The following TMPRSS7 variants were observed in gnomAD, a reference collection of about 807,000 sequenced individuals.
TMPRSS7 encodes transmembrane serine protease 7.
TMPRSS7 carries 81 observed loss-of-function variants against 95.6 expected under a neutral mutation model. The observed-to-expected ratio is 0.85, with a 90% CI of 0.71 to 1.02. TMPRSS7 has a LOEUF of 1.02. Ranked by LOEUF, TMPRSS7 falls within the 50% of genes least tolerant of loss-of-function variation. TMPRSS7 has a pLI of 0.00. For missense variants in TMPRSS7, 945 were observed against 955.2 expected (o/e 0.99, Z 0.14); for synonymous variants, 364 against 337.8 (o/e 1.08, Z -0.85).
At chr3:112,042,049 T>C (rs1423044769) in exon 3 of TMPRSS7, 3 of 1,550,976 alleles carry the variant, frequency 1.9e-6, no homozygotes, top group African/African-American at 1.4e-5. Flanking sequence ...GTGCAGCAAG[T>C]GGTGAGGCGA....
intron 12 of TMPRSS7, 100 bp from the exon 13 acceptor site, chr3:112,066,292 A>G (rs1308289036): frequency 1.1e-6 from 1 of 949,278 alleles, no homozygotes; most frequent in African/African-American, 1.6e-5. Flanking sequence ...TTTATAGGTC[A>G]TCCTAATGAT....
chr3:112,043,584 A>G (rs1373579060), intron 3 of TMPRSS7, among the ~76,000 whole-genome samples: 2 of 152,204 alleles, frequency 1.3e-5, no homozygotes, highest in Non-Finnish European at 2.9e-5. Context: ...TTTTGTTTTT[A>G]AATCTTGGGC....
intron 9 of TMPRSS7, among the ~76,000 whole-genome samples, chr3:112,051,324 G>A (rs1244377036): frequency 6.6e-6 from 1 of 151,996 alleles, no homozygotes; most frequent in East Asian, 1.9e-4. Context: ...AAGTAATCTA[G>A]AGATGATTTA....
chr3:112,064,510 C>T (rs2073551096), intron 12 of TMPRSS7, among the ~76,000 whole-genome samples: 1 of 151,610 alleles, frequency 6.6e-6, no homozygotes, highest in South Asian at 2.1e-4. Flanking sequence ...CACCATGTAT[C>T]ACTAATTTTT....
chr3:112,038,391 C>T (rs1477225821), intron 2 of TMPRSS7, 70 bp downstream of exon 2: 1 of 649,380 alleles, frequency 1.5e-6, no homozygotes, highest in East Asian at 2.7e-5. Context: ...CAATGCAGCC[C>T]TAATCTGCCA....
rs775992890 is a variant in TMPRSS7, at chr3:112,063,510, T to C, written c.1448-15T>C. On this transcript the variant is annotated splice_polypyrimidine_tract_variant and intron_variant, in intron 11 of 17. Transcript: ENST00000452346. ...ATCCAAGATTTTCTATTTTTTGATT[T>C]TTTGTTGCCCATAGCCTGCCCTGTT... is the stretch of plus-strand genomic sequence containing the variant. 6.2e-7 allele frequency: 1 copy of C among 1,606,812 alleles called. No individual in the cohort carries two copies. Among genetic ancestry groups the C allele is most frequent in the Non-Finnish European group, 8.5e-7 (1 of 1,174,288 alleles).
intron 1 of TMPRSS7, among the ~76,000 whole-genome samples, chr3:112,035,206 G>T (rs1002510555): frequency 1.1e-4 from 16 of 152,158 alleles, no homozygotes; most frequent in Admixed American, 4.6e-4. Flanking sequence ...TCCAAACTTG[G>T]CTTTGTCAGT....
intron 17 of TMPRSS7, among the ~76,000 whole-genome samples, chr3:112,079,755 C>T (rs1326785210): frequency 1.3e-5 from 2 of 152,152 alleles, no homozygotes; most frequent in African/African-American, 4.8e-5. Flanking sequence ...TTCTGAGCTC[C>T]TATTTTGTGG....
intron 9 of TMPRSS7, among the ~76,000 whole-genome samples, chr3:112,054,972 G>A (rs561694125): frequency 1.3e-5 from 2 of 151,956 alleles, no homozygotes; most frequent in South Asian, 2.1e-4. Context: ...ATCTCCTGAC[G>A]TCGTGATCCG....
intron 6 of TMPRSS7, chr3:112,047,490 C>A: frequency 1.6e-6 from 1 of 627,712 alleles, no homozygotes; most frequent in Non-Finnish European, 3.0e-6. Flanking sequence ...ATTGGCCAGC[C>A]TGGGTTATGT....
rs575814380 is a variant in TMPRSS7 at position 112,038,039 on chromosome 3, C to T, written c.49-33C>T. On this transcript the variant is annotated intron_variant, in intron 1 of 17. Transcript: ENST00000452346. Reference sequence around the variant, plus strand: ...TCATTTAAGATCCTGTCTACTTCTACTTGGTAACATATCTTATTTCTTTTT... The same window carrying T: ...TCATTTAAGATCCTGTCTACTTCTATTTGGTAACATATCTTATTTCTTTTT... 8.7e-5 allele frequency: 61 copies of T among 699,608 alleles called. 2 individuals carry two copies. Among genetic ancestry groups the T allele is most frequent in the South Asian group, 7.3e-4 (49 of 66,808 alleles). The allele number at this position is 699,608 out of a possible 1,614,324, so 43.3% of individuals were successfully genotyped here.
chr3:112,063,407 T>C, intron 11 of TMPRSS7, 118 bp from the exon 12 acceptor site: 2 of 727,508 alleles, frequency 2.7e-6, no homozygotes, highest in Non-Finnish European at 4.8e-6. Flanking sequence ...ACTATGTAAT[T>C]ATTACTGCTA....
At chr3:112,048,046 AT>A (rs932290788) in intron 7 of TMPRSS7, 79 bp downstream of exon 7, 330 of 1,403,744 alleles carry the variant, frequency 2.4e-4, no homozygotes, top group Non-Finnish European at 2.7e-4. Context: ...TTCCCCCTGG[AT>A]TTTTTTTTAA....
exon 14 of TMPRSS7, chr3:112,074,378 G>A: frequency 6.2e-7 from 1 of 1,613,630 alleles, no homozygotes; most frequent in Non-Finnish European, 8.5e-7. Context: ...ATGGGACAGT[G>A]GATTGTCCAG....
intron 5 of TMPRSS7, 149 bp downstream of exon 5, chr3:112,046,092 A>C (rs2073275150): frequency 1.4e-6 from 1 of 711,390 alleles, no homozygotes; most frequent in Non-Finnish European, 2.3e-6. Context: ...CATTGGAGCT[A>C]TGTTAGTAAA....
At chr3:112,063,117 G>C (rs2073531563) in intron 11 of TMPRSS7, among the ~76,000 whole-genome samples, 1 of 152,192 alleles carries the variant, frequency 6.6e-6, no homozygotes, top group Non-Finnish European at 1.5e-5. Context: ...AGAAGATTCA[G>C]GGACACCAGA....
chr3:112,065,189 C>T (rs937461443), intron 12 of TMPRSS7, among the ~76,000 whole-genome samples: 3 of 152,086 alleles, frequency 2.0e-5, no homozygotes, highest in Admixed American at 6.5e-5. Flanking sequence ...TACAGGCGCA[C>T]ACCACCAATG....
chr3:112,066,368 TTC>T (rs1257620813), intron 12 of TMPRSS7, 22 bp from the exon 13 acceptor site: 1 of 1,607,118 alleles, frequency 6.2e-7, no homozygotes, highest in African/African-American at 1.3e-5. Flanking sequence ...CTCGTGAACT[TTC>T]TGTTTTTATT....
Position 112,077,100 on chromosome 3 carries a change from G to A in TMPRSS7, c.2180G>A (p.Gly727Glu), listed in dbSNP as rs1007448567. Residue 727 changes from glycine to glutamate, a missense_variant, in exon 16 of 18, where the codon GGG becomes GAG. Coordinates refer to ENST00000452346, the Ensembl canonical transcript of TMPRSS7. ...CCCACTGGTCAGAGAGTTCGCAGTG[G>A]GGAGAAGTGCTGGGTAACTGGCTGG... 1.2e-6 allele frequency: 2 copies of A among 1,614,048 alleles called. No individual in the cohort carries two copies. Among genetic ancestry groups the A allele is most frequent in the Non-Finnish European group, 1.7e-6 (2 of 1,180,026 alleles).
Sources: gnomAD v4.1 joint callset for allele counts (sites outside exome capture counted in the v4.1 genomes callset) on GRCh38, gnomAD v4.1.1 for gene constraint, MANE v1.5 for transcripts, NCBI Gene and HGNC (gene_info 2026-07-23, HGNC 2026-07-21) for gene names.